Variants in CREM observed in about 807,000 individuals in gnomAD.
The protein encoded by CREM is cAMP-responsive element modulator.
In CREM, 13 loss-of-function variants were observed where a neutral mutation model predicts 37.3. That is an observed-to-expected ratio of 0.35 (90% CI 0.23 to 0.55). The LOEUF is 0.55. Among genes scored for constraint, CREM ranks in the 20% least tolerant of loss-of-function variants. The pLI is 0.88. For missense variants in CREM, 296 were observed against 362.3 expected (o/e 0.82, Z 1.49); for synonymous variants, 124 against 120.2 (o/e 1.03, Z -0.21).
chr10:35,167,569 C>T (rs2093613356), intron 3 of CREM: 1 of 677,636 alleles, frequency 1.5e-6, no homozygotes, highest in Non-Finnish European at 2.6e-6. Context: ...CCACTAGGTG[C>T]TAATCAAATG....
At chr10:35,139,550 G>A (rs2091140039) in intron 2 of CREM, among the ~76,000 whole-genome samples, 1 of 152,066 alleles carries the variant, frequency 6.6e-6, no homozygotes, top group Admixed American at 6.6e-5. Flanking sequence ...ATCCTTACAT[G>A]TTTTTATTTT....
chr10:35,200,269 T>A (rs954634696), intron 6 of CREM, among the ~76,000 whole-genome samples: 3 of 152,216 alleles, frequency 2.0e-5, no homozygotes, highest in African/African-American at 7.2e-5. Flanking sequence ...ACATTAAATT[T>A]CAGTGTTCGT....
chr10:35,201,080 T>C (rs2095369042), intron 6 of CREM, among the ~76,000 whole-genome samples: 1 of 152,084 alleles, frequency 6.6e-6, no homozygotes, highest in Non-Finnish European at 1.5e-5. Context: ...ATTGCATACA[T>C]TGAAAAGGAT....
chr10:35,158,968 T>G (rs927724925), intron 3 of CREM, among the ~76,000 whole-genome samples: 34 of 152,168 alleles, frequency 2.2e-4, no homozygotes, highest in African/African-American at 8.2e-4. Context: ...TTAGATCTAA[T>G]TAAACAAAAC....
At chr10:35,135,234 C>T (rs1232934829) in intron 1 of CREM, among the ~76,000 whole-genome samples, 4 of 152,098 alleles carry the variant, frequency 2.6e-5, no homozygotes, top group African/African-American at 9.7e-5. Flanking sequence ...TTTTGGGTCT[C>T]ATTTCTTCTT....
In CREM at chr10:35,170,275, T is replaced by C. The variant is rs541933216; in HGVS notation, c.169-8614T>C. On this transcript the variant is annotated intron_variant, in intron 3 of 7. Transcript: ENST00000685392. ...CCACTGTGTCTGGCCGGATAAGCTT[T>C]TTGATGTGCTGCTGGATTCAGTTTG... Among the ~76,000 whole-genome samples the C allele has an allele frequency of 1.1e-4, 16 of 152,282 alleles. No homozygotes were observed. The South Asian group carries it at 3.3e-3, about 32-fold the overall frequency.
intron 1 of CREM, among the ~76,000 whole-genome samples, chr10:35,130,769 T>C (rs779703954): frequency 8.5e-5 from 13 of 152,244 alleles, no homozygotes; most frequent in Admixed American, 1.3e-4. Context: ...GGCATAGGTG[T>C]GTAGTCGGTT....
intron 3 of CREM, among the ~76,000 whole-genome samples, chr10:35,173,005 G>C (rs894269458): frequency 9.9e-5 from 15 of 152,144 alleles, no homozygotes; most frequent in Admixed American, 3.3e-4. Context: ...AATATTCATA[G>C]TTTTCTGATC....
intron 6 of CREM, chr10:35,201,397 C>G (rs371386433): frequency 5.2e-6 from 8 of 1,546,572 alleles, no homozygotes; most frequent in African/African-American, 1.4e-5. Flanking sequence ...CTTTGACATA[C>G]ATTGTAGGGT....
chr10:35,148,295 G>A lies in CREM; in HGVS notation c.45-73G>A, dbSNP rs34426986. 170 of 1,439,550 alleles carry A rather than the reference G, an allele frequency of 1.2e-4. No individual in the cohort carries two copies. In the East Asian group the frequency reaches 2.1e-3, roughly 18 times the overall value. 89.2% of individuals were successfully genotyped at this position (1,439,550 alleles called of 1,614,324 possible). The stretch of plus-strand genomic sequence containing the variant: ...TTTCAGATTTTGGATTTTTGGATTA[G>A]GGATGTTCAACCTGTATTTCCAAAT... On this transcript the variant is annotated intron_variant, in intron 2 of 7. Transcript: ENST00000685392.
intron 3 of CREM, among the ~76,000 whole-genome samples, chr10:35,153,116 C>T (rs2092694153): frequency 6.6e-6 from 1 of 152,032 alleles, no homozygotes; most frequent in Non-Finnish European, 1.5e-5. Flanking sequence ...TGATGGCATG[C>T]CCTTGTAGTC....
At chr10:35,142,967 C>T (rs894047865) in intron 2 of CREM, among the ~76,000 whole-genome samples, 2 of 152,020 alleles carry the variant, frequency 1.3e-5, no homozygotes, top group African/African-American at 4.8e-5. Context: ...TTGGTGCAGG[C>T]ATAGAGGAGA....
At chr10:35,175,752 G>A in intron 3 of CREM, 1 of 1,614,154 alleles carries the variant, frequency 6.2e-7, no homozygotes, top group Non-Finnish European at 8.5e-7. Flanking sequence ...AGGAAAAAGA[G>A]AAGTAGGCCA....
chr10:35,186,467 A>G (rs1325135160), intron 5 of CREM, among the ~76,000 whole-genome samples: 2 of 151,928 alleles, frequency 1.3e-5, no homozygotes, highest in African/African-American at 2.4e-5. Context: ...TTGTAGCACA[A>G]ATCCTTTTAG....
At chr10:35,164,764 T>C (rs2093455284) in intron 3 of CREM, among the ~76,000 whole-genome samples, 2 of 152,206 alleles carry the variant, frequency 1.3e-5, no homozygotes, top group Admixed American at 1.3e-4. Context: ...TATAAAGGAA[T>C]ACCTGGCTGG....
intron 2 of CREM, among the ~76,000 whole-genome samples, chr10:35,138,601 A>G (rs1016617420): frequency 2.0e-5 from 3 of 149,918 alleles, no homozygotes; most frequent in African/African-American, 7.4e-5. Flanking sequence ...ATCTTGGCTC[A>G]GTGCAACCTC....
intron 3 of CREM, among the ~76,000 whole-genome samples, chr10:35,166,476 G>A (rs1189265280): frequency 2.6e-5 from 4 of 151,534 alleles, no homozygotes; most frequent in East Asian, 1.9e-4. Flanking sequence ...CAGGAGAATC[G>A]ATTCAACCCA....
chr10:35,209,243 G>T, intron 7 of CREM: 1 of 865,206 alleles, frequency 1.2e-6, no homozygotes, highest in African/African-American at 1.8e-5. Flanking sequence ...TCTTTGATTG[G>T]CATCTATAAT....
chr10:35,140,267 A>G (rs537220702), intron 2 of CREM, among the ~76,000 whole-genome samples: 3 of 152,334 alleles, frequency 2.0e-5, no homozygotes, highest in Admixed American at 1.3e-4. Flanking sequence ...TGAAAGAGAA[A>G]GCATATCTGA....
Sources: gnomAD v4.1 joint callset for allele counts (sites outside exome capture counted in the v4.1 genomes callset) on GRCh38, gnomAD v4.1.1 for gene constraint, MANE v1.5 for transcripts, NCBI Gene and HGNC (gene_info 2026-07-23, HGNC 2026-07-21) for gene names.